The following CDH12 variants were observed in gnomAD, a reference collection of about 807,000 sequenced individuals.
CDH12 encodes cadherin-12.
In CDH12, 41 loss-of-function variants were observed where a neutral mutation model predicts 74.1. The observed-to-expected ratio is 0.55, with a 90% confidence interval of 0.43 to 0.72. The LOEUF (loss-of-function observed/expected upper bound fraction) is 0.72, where lower values mean the gene tolerates loss of function less well. CDH12 is among the 30% of genes least tolerant of loss of function. The pLI, the probability that CDH12 is intolerant of heterozygous loss-of-function variation, is 0.00. For missense variants in CDH12, 945 were observed against 977.2 expected (o/e 0.97, Z 0.44); for synonymous variants, 399 against 355.0 (o/e 1.12, Z -1.39).
At chr5:22,096,111 T>C (rs1210961168) in intron 4 of CDH12, among the ~76,000 whole-genome samples, 2 of 151,884 alleles carry the variant, frequency 1.3e-5, no homozygotes, top group Non-Finnish European at 2.9e-5. Flanking sequence ...CATTCCTCCT[T>C]CTCCCTTAGC....
chr5:21,854,614 T>C (rs1013387888), intron 7 of CDH12, 57 bp downstream of exon 7: 12 of 1,451,274 alleles, frequency 8.3e-6, no homozygotes, highest in Non-Finnish European at 1.1e-5. Flanking sequence ...CAAGATTTAA[T>C]TAAAGTTTAA....
chr5:22,000,360 A>G (rs183513988), intron 5 of CDH12, among the ~76,000 whole-genome samples: 1 of 152,324 alleles, frequency 6.6e-6, no homozygotes, highest in East Asian at 1.9e-4. Flanking sequence ...TGCCACATAG[A>G]ACACTGAGCC....
intron 1 of CDH12, among the ~76,000 whole-genome samples, chr5:22,604,237 T>TG (rs1561522518): frequency 6.6e-6 from 1 of 152,170 alleles, no homozygotes; most frequent in Non-Finnish European, 1.5e-5. Flanking sequence ...CAGCTATTTC[T>TG]GGGGGGTGGG....
intron 5 of CDH12, among the ~76,000 whole-genome samples, chr5:22,066,378 G>A (rs961313257): frequency 6.6e-6 from 1 of 152,046 alleles, no homozygotes; most frequent in South Asian, 2.1e-4. Context: ...GTACTTTGGG[G>A]AAAAGAAAAT....
chr5:22,296,263 T>C (rs1321373355), intron 3 of CDH12, among the ~76,000 whole-genome samples: 2 of 152,002 alleles, frequency 1.3e-5, no homozygotes, highest in African/African-American at 2.4e-5. Flanking sequence ...ACAGGGCACA[T>C]GAACTAATTT....
intron 4 of CDH12, among the ~76,000 whole-genome samples, chr5:22,085,068 T>C (rs1580224657): frequency 6.6e-6 from 1 of 152,198 alleles, no homozygotes; most frequent in East Asian, 1.9e-4. Context: ...AAAATATTTA[T>C]ATTTGTCTAT....
chr5:21,973,435 T>C (rs1210601208), intron 6 of CDH12, among the ~76,000 whole-genome samples: 3 of 152,196 alleles, frequency 2.0e-5, no homozygotes, highest in African/African-American at 4.8e-5. Context: ...TTACCTACAC[T>C]TTTGACTTTC....
At chr5:22,749,922 C>A (rs1325089498) in intron 1 of CDH12, among the ~76,000 whole-genome samples, 1 of 152,192 alleles carries the variant, frequency 6.6e-6, no homozygotes, top group African/African-American at 2.4e-5. Context: ...CACACAAAAT[C>A]ACTTAGGCAC....
intron 3 of CDH12, among the ~76,000 whole-genome samples, chr5:22,257,444 C>T (rs1422006935): frequency 6.6e-6 from 1 of 151,052 alleles, no homozygotes; most frequent in East Asian, 1.9e-4. Context: ...GTTTTTTTAA[C>T]CCATTTATGC....
chr5:22,726,311 A>T (rs1448248591), intron 1 of CDH12, among the ~76,000 whole-genome samples: 1 of 151,838 alleles, frequency 6.6e-6, no homozygotes, highest in East Asian at 1.9e-4. Flanking sequence ...GCCTTTTCAG[A>T]TTGGCTTATT....
intron 1 of CDH12, among the ~76,000 whole-genome samples, chr5:22,689,746 A>G (rs1486483706): frequency 2.0e-5 from 3 of 152,154 alleles, no homozygotes; most frequent in Non-Finnish European, 2.9e-5. Flanking sequence ...TTAAAAAACT[A>G]TTCACAGATA....
chr5:21,947,498 G>A (rs1755633019), intron 6 of CDH12, among the ~76,000 whole-genome samples: 1 of 152,206 alleles, frequency 6.6e-6, no homozygotes, highest in Non-Finnish European at 1.5e-5. Flanking sequence ...CTCTGCCTTA[G>A]CAAAGAGACT....
At chr5:21,762,778 C>T (rs1332506374) in intron 12 of CDH12, among the ~76,000 whole-genome samples, 1 of 151,942 alleles carries the variant, frequency 6.6e-6, no homozygotes, top group African/African-American at 2.4e-5. Context: ...AAATGGAGCT[C>T]TATTCCCAAA....
intron 3 of CDH12, among the ~76,000 whole-genome samples, chr5:22,387,216 TA>T (rs1454858106): frequency 1.3e-5 from 2 of 152,052 alleles, no homozygotes; most frequent in African/African-American, 4.8e-5. Context: ...AAAATGCCTT[TA>T]AAAAGTTACA....
chr5:21,968,654 T>C (rs1296654956), intron 6 of CDH12, among the ~76,000 whole-genome samples: 1 of 152,208 alleles, frequency 6.6e-6, no homozygotes, highest in African/African-American at 2.4e-5. Flanking sequence ...TTCCCATTTT[T>C]TTCAACAGGA....
At chr5:22,702,089 C>G (rs879514827) in intron 1 of CDH12, among the ~76,000 whole-genome samples, 1 of 152,070 alleles carries the variant, frequency 6.6e-6, no homozygotes, top group African/African-American at 2.4e-5. Flanking sequence ...TGTCTAGAGG[C>G]GTCTGGAACA....
intron 1 of CDH12, among the ~76,000 whole-genome samples, chr5:22,825,999 A>T (rs1736306222): frequency 6.6e-6 from 1 of 152,160 alleles, no homozygotes; most frequent in South Asian, 2.1e-4. Context: ...TTCTAGCAAG[A>T]GTCAAAGTAA....
intron 6 of CDH12, among the ~76,000 whole-genome samples, chr5:21,941,811 T>C (rs573026306): frequency 2.0e-5 from 3 of 150,836 alleles, no homozygotes; most frequent in East Asian, 1.9e-4. Flanking sequence ...TGGCTGACTT[T>C]TTTTTTTCCC....
chr5:22,539,093 G>T (rs1385006173), intron 1 of CDH12, among the ~76,000 whole-genome samples: 1 of 152,180 alleles, frequency 6.6e-6, no homozygotes, highest in Non-Finnish European at 1.5e-5. Context: ...AATGCAAAGT[G>T]ATCTAAACAG....
Sources: gnomAD v4.1 joint callset for allele counts (sites outside exome capture counted in the v4.1 genomes callset) on GRCh38, gnomAD v4.1.1 for gene constraint, MANE v1.5 for transcripts, NCBI Gene and HGNC (gene_info 2026-07-23, HGNC 2026-07-21) for gene names.